RBFOX1: variants seen among roughly 807,000 people sequenced by gnomAD.
RBFOX1 encodes the protein RNA binding protein fox-1 homolog 1.
A neutral mutation model predicts 57.7 loss-of-function variants in RBFOX1; 8 were observed. The observed-to-expected ratio is 0.14, with a 90% CI of 0.08 to 0.25. The LOEUF (loss-of-function observed/expected upper bound fraction) is 0.25. Ranked by LOEUF, RBFOX1 falls within the 10% of genes least tolerant of loss-of-function variation. The pLI is 1.00. For synonymous variants in RBFOX1, 326 were observed against 222.4 expected, an observed-to-expected ratio of 1.47 and a Z score of -4.15; for missense variants, 611 against 548.5, an observed-to-expected ratio of 1.11 and a Z score of -1.14.
intron 11 of RBFOX1, among the ~76,000 whole-genome samples, chr16:7,642,918 C>A (rs930600042): frequency 2.0e-5 from 3 of 152,178 alleles, no homozygotes; most frequent in African/African-American, 2.4e-5. Flanking sequence ...CCGAATGTTA[C>A]AAAAATCCTG....
intron 11 of RBFOX1, among the ~76,000 whole-genome samples, chr16:7,631,800 T>A (rs1215413359): frequency 6.6e-6 from 1 of 152,178 alleles, no homozygotes; most frequent in Non-Finnish European, 1.5e-5. Context: ...ACCAACCTCC[T>A]CACTGTTGGG....
At chr16:7,238,116 T>C (rs78813504) in intron 4 of RBFOX1, among the ~76,000 whole-genome samples, 272 of 152,314 alleles carry the variant, frequency 1.8e-3, no homozygotes, top group Middle Eastern at 3.4e-3. Context: ...ATTCCACTTA[T>C]ATGAGGTGCC....
intron 2 of RBFOX1, among the ~76,000 whole-genome samples, chr16:6,523,031 C>A (rs192509140): frequency 7.6e-4 from 116 of 152,302 alleles, no homozygotes; most frequent in Admixed American, 1.5e-3. Context: ...TAAGAAAACT[C>A]CTTCCTGGGA....
chr16:7,497,451 A>C (rs1461418812), intron 4 of RBFOX1, among the ~76,000 whole-genome samples: 1 of 152,078 alleles, frequency 6.6e-6, no homozygotes, highest in Non-Finnish European at 1.5e-5. Flanking sequence ...TTTGCCCCCT[A>C]TAATAATTTA....
chr16:7,706,554 A>T (rs1376514601), intron 14 of RBFOX1, among the ~76,000 whole-genome samples: 1 of 152,224 alleles, frequency 6.6e-6, no homozygotes, highest in African/African-American at 2.4e-5. Flanking sequence ...AATTATTGCC[A>T]CAGTAAAACC....
intron 1 of RBFOX1, among the ~76,000 whole-genome samples, chr16:5,420,423 C>T (rs1464653892): frequency 2.0e-5 from 3 of 152,098 alleles, no homozygotes; most frequent in African/African-American, 4.8e-5. Flanking sequence ...CTCAGGTTCA[C>T]ACAGTCACAC....
chr16:5,496,334 G>C (rs1472217106), intron 2 of RBFOX1, among the ~76,000 whole-genome samples: 1 of 152,096 alleles, frequency 6.6e-6, no homozygotes, highest in Non-Finnish European at 1.5e-5. Context: ...AGGTCCCACT[G>C]GCATTTGGGG....
intron 3 of RBFOX1, among the ~76,000 whole-genome samples, chr16:6,896,412 T>C (rs926994584): frequency 6.6e-6 from 1 of 152,298 alleles, no homozygotes; most frequent in Middle Eastern, 3.4e-3. Context: ...TCATCAACCA[T>C]CCCTACTTTC....
intron 5 of RBFOX1, among the ~76,000 whole-genome samples, chr16:7,520,898 A>C (rs764187968): frequency 1.3e-5 from 2 of 151,390 alleles, no homozygotes; most frequent in Middle Eastern, 3.4e-3. Flanking sequence ...TTTATTCACA[A>C]ATATTTATTA....
At chr16:6,958,598 A>G (rs976866203) in intron 3 of RBFOX1, among the ~76,000 whole-genome samples, 2 of 152,184 alleles carry the variant, frequency 1.3e-5, no homozygotes, top group African/African-American at 4.8e-5. Flanking sequence ...CCTTTCAACA[A>G]TGGGAACGCA....
chr16:6,242,690 C>A (rs76678024), intron 1 of RBFOX1, among the ~76,000 whole-genome samples: 18,336 of 150,282 alleles, frequency 0.12, 1,214 homozygotes, highest in Middle Eastern at 0.26. Context: ...TATTTTATTT[C>A]ATTCTCCTTC....
intron 3 of RBFOX1, among the ~76,000 whole-genome samples, chr16:7,049,979 A>C (rs1421993709): frequency 2.6e-5 from 4 of 152,190 alleles, no homozygotes; most frequent in African/African-American, 9.6e-5. Flanking sequence ...CCCCAAATAG[A>C]AACCTCATAC....
intron 2 of RBFOX1, among the ~76,000 whole-genome samples, chr16:5,569,093 G>T (rs989672985): frequency 2.0e-5 from 3 of 150,700 alleles, no homozygotes; most frequent in Admixed American, 6.6e-5. Flanking sequence ...CTCATGATCC[G>T]CCCGCCTTGG....
chr16:6,880,786 A>G (rs771471971), intron 3 of RBFOX1, among the ~76,000 whole-genome samples: 2 of 150,284 alleles, frequency 1.3e-5, no homozygotes, highest in African/African-American at 5.1e-5. Flanking sequence ...TATTTTTATT[A>G]CAGTATTTCT....
intron 4 of RBFOX1, among the ~76,000 whole-genome samples, chr16:7,354,839 T>A (rs548197292): frequency 1.6e-3 from 239 of 152,310 alleles, no homozygotes; most frequent in African/African-American, 5.6e-3. Flanking sequence ...GACAGTATGA[T>A]ATAGGACATT....
intron 3 of RBFOX1, among the ~76,000 whole-genome samples, chr16:6,837,768 G>A (rs1162076241): frequency 1.3e-5 from 2 of 152,158 alleles, no homozygotes; most frequent in South Asian, 2.1e-4. Flanking sequence ...TAAAATAATT[G>A]TCATTATTAC....
intron 1 of RBFOX1, among the ~76,000 whole-genome samples, chr16:6,090,476 A>G (rs1221384878): frequency 1.3e-5 from 2 of 152,192 alleles, no homozygotes; most frequent in East Asian, 3.8e-4. Flanking sequence ...TGAAACCAAG[A>G]TATGAACCAT....
intron 4 of RBFOX1, among the ~76,000 whole-genome samples, chr16:7,471,175 G>T (rs2061492138): frequency 6.6e-6 from 1 of 152,136 alleles, no homozygotes; most frequent in Non-Finnish European, 1.5e-5. Flanking sequence ...TTGTGAATAT[G>T]TGTCTGCCAT....
intron 3 of RBFOX1, among the ~76,000 whole-genome samples, chr16:6,934,133 G>A (rs1332991862): frequency 6.6e-6 from 1 of 152,058 alleles, no homozygotes; most frequent in Non-Finnish European, 1.5e-5. Context: ...AGTGAGACAG[G>A]GAACTTCCTG....
Sources: allele counts gnomAD v4.1 joint callset (sites outside exome capture counted in the v4.1 genomes callset), GRCh38; gene constraint gnomAD v4.1.1; transcripts MANE v1.5; gene names NCBI Gene and HGNC (gene_info 2026-07-23, HGNC 2026-07-21).